THSD7B: variants seen among roughly 807,000 people sequenced by gnomAD.
The protein encoded by THSD7B is thrombospondin type 1 domain containing 7B, also known as thrombospondin type-1 domain-containing protein 7B.
A neutral mutation model predicts 213.6 loss-of-function variants in THSD7B; 138 were observed. The observed-to-expected ratio is 0.65, with a 90% confidence interval of 0.56 to 0.74. The LOEUF is 0.74. THSD7B is among the 30% of genes least tolerant of loss of function. The pLI, the probability that THSD7B is intolerant of heterozygous loss-of-function variation, is 0.00. For missense variants in THSD7B, 1,931 were observed against 1,991.5 expected, an observed-to-expected ratio of 0.97 and a Z score of 0.58; for synonymous variants, 742 against 687.0, an observed-to-expected ratio of 1.08 and a Z score of -1.25.
chr2:137,625,743 A>C (rs924709459), intron 20 of THSD7B, among the ~76,000 whole-genome samples: 1 of 152,162 alleles, frequency 6.6e-6, no homozygotes, highest in African/African-American at 2.4e-5. Context: ...CACACTGCCA[A>C]TGGCTCTACA....
intron 17 of THSD7B, among the ~76,000 whole-genome samples, chr2:137,581,793 A>T (rs1681586142): frequency 6.7e-6 from 1 of 149,722 alleles, no homozygotes; most frequent in Admixed American, 6.6e-5. Flanking sequence ...AAATAATAAT[A>T]AATAATAATA....
intron 17 of THSD7B, among the ~76,000 whole-genome samples, chr2:137,601,460 C>T (rs1682075199): frequency 6.6e-6 from 1 of 152,144 alleles, no homozygotes; most frequent in Non-Finnish European, 1.5e-5. Context: ...ATTTAGTATA[C>T]AGTATTCTGT....
chr2:137,517,944 A>G (rs955738275), intron 15 of THSD7B, among the ~76,000 whole-genome samples: 2 of 152,164 alleles, frequency 1.3e-5, no homozygotes. Context: ...TGCAACCTGA[A>G]CTGCCTATCA....
chr2:137,132,293 G>A (rs1415194626), intron 5 of THSD7B, among the ~76,000 whole-genome samples: 3 of 151,204 alleles, frequency 2.0e-5, no homozygotes, highest in Admixed American at 6.6e-5. Context: ...GAGACAATGG[G>A]GTTTTCTAGA....
intron 5 of THSD7B, among the ~76,000 whole-genome samples, chr2:137,146,245 A>C (rs1432201): frequency 0.96 from 145,550 of 152,094 alleles, 69,723 homozygotes; most frequent in East Asian, 1. Flanking sequence ...ATAAAAATAT[A>C]AGCATATAGA....
intron 17 of THSD7B, among the ~76,000 whole-genome samples, chr2:137,611,954 T>A (rs1682297538): frequency 1.3e-5 from 2 of 152,206 alleles, no homozygotes; most frequent in African/African-American, 4.8e-5. Context: ...TTGCATTTAA[T>A]GTATTTTCAA....
chr2:137,347,569 T>C (rs1684902867), intron 12 of THSD7B, among the ~76,000 whole-genome samples: 1 of 150,892 alleles, frequency 6.6e-6, no homozygotes, highest in Admixed American at 6.6e-5. Context: ...TTTTTTTTTT[T>C]TTTTTTAAAT....
chr2:137,404,449 A>G (rs1402012503), intron 12 of THSD7B, among the ~76,000 whole-genome samples: 14 of 101,334 alleles, frequency 1.4e-4, no homozygotes, highest in African/African-American at 5.9e-4. Flanking sequence ...ATATATATAT[A>G]TATATATATA....
At chr2:136,912,781 C>T (rs6706237) in intron 2 of THSD7B, among the ~76,000 whole-genome samples, 11,287 of 152,214 alleles carry the variant, frequency 0.074, 677 homozygotes, top group African/African-American at 0.16. Context: ...CTTTCACCTC[C>T]TGCCATGATT....
intron 7 of THSD7B, among the ~76,000 whole-genome samples, chr2:137,219,351 G>A (rs1483540165): frequency 6.6e-6 from 1 of 152,094 alleles, no homozygotes; most frequent in Non-Finnish European, 1.5e-5. Context: ...CCAAGTACAA[G>A]AATTCTTAGA....
At position 137,487,228 on chromosome 2, in the gene THSD7B, C is replaced by T. The variant is rs1321781811; in HGVS notation, c.3138+36205C>T. ...CTAAAAATACAAAAAATTAGCCGGG[C>T]GCAGTGGCGGGCGCCTGTAGTCCCA... On this transcript the variant is annotated intron_variant, in intron 15 of 27. Transcript: ENST00000409968. 3.4e-5 allele frequency among the ~76,000 whole-genome samples: 5 copies of T among 147,800 alleles called. 1 individual carries two copies. Among genetic ancestry groups the T allele is most frequent in the African/African-American group, 7.8e-5 (3 of 38,438 alleles).
intron 15 of THSD7B, among the ~76,000 whole-genome samples, chr2:137,464,975 T>C (rs527617426): frequency 1.3e-5 from 2 of 152,088 alleles, no homozygotes; most frequent in South Asian, 2.1e-4. Flanking sequence ...CCTTATCCTT[T>C]GTGGATGTTG....
intron 2 of THSD7B, among the ~76,000 whole-genome samples, chr2:136,913,158 C>T (rs1684296077): frequency 6.6e-6 from 1 of 152,160 alleles, no homozygotes; most frequent in East Asian, 1.9e-4. Flanking sequence ...AAAGGCGACT[C>T]TTGTTTCATT....
chr2:137,226,869 T>TTACTG (rs1681518261), intron 7 of THSD7B, among the ~76,000 whole-genome samples: 2 of 146,786 alleles, frequency 1.4e-5, no homozygotes, highest in Non-Finnish European at 3.1e-5. Flanking sequence ...TAAACACATT[T>TTACTG]CAGTATATAC....
chr2:137,642,652 G>T lies in THSD7B; in HGVS notation c.3945+19G>T, dbSNP rs1460621117. On this transcript the variant is annotated intron_variant, in intron 21 of 27. Coordinates refer to ENST00000409968, the MANE Select transcript of THSD7B (RefSeq NM_001316349.2). ...ATTGGAGGTAGGTCATGTAATGACA[G>T]TTAGAGAAATATTCATCAGTATATT... 1.2e-6 allele frequency: 2 copies of T among 1,611,856 alleles called. No homozygotes were observed. The highest frequency in any genetic ancestry group is 4.5e-5 in the East Asian group (2 of 44,860).
intron 10 of THSD7B, among the ~76,000 whole-genome samples, chr2:137,246,771 T>C (rs1479924524): frequency 6.6e-6 from 1 of 152,148 alleles, no homozygotes; most frequent in Admixed American, 6.5e-5. Flanking sequence ...TGTACTTTTT[T>C]TTTTTTGCTG....
At chr2:137,340,096 A>G (rs1039044383) in intron 12 of THSD7B, among the ~76,000 whole-genome samples, 2 of 151,902 alleles carry the variant, frequency 1.3e-5, no homozygotes. Context: ...TATAGTCAAT[A>G]AAAGTTGGAA....
At position 137,610,397 on chromosome 2, in the gene THSD7B, G is replaced by C. The variant is rs1215178634; in HGVS notation, c.3424-5778G>C. On this transcript the variant is annotated intron_variant, in intron 17 of 27. Transcript: ENST00000409968. ...CATGGCTAGGGTAAAAAAAGCCCCA[G>C]GGCATTAGCAGGGGCGAGTTGAAAT... Among the ~76,000 whole-genome samples, 3 of 152,226 alleles carry C rather than the reference G, an allele frequency of 2.0e-5. No homozygotes were observed. In the East Asian group the frequency reaches 5.8e-4, roughly 29 times the overall value.
At position 137,455,090 on chromosome 2, in the gene THSD7B, CTTCTCTTTAGAATATGAGG is replaced by C. The variant is rs1477390532; in HGVS notation, c.3138+4069_3138+4087del. On this transcript the variant is annotated intron_variant, in intron 15 of 27. Coordinates refer to ENST00000409968, the MANE Select transcript of THSD7B (RefSeq NM_001316349.2). The stretch of plus-strand genomic sequence containing the variant: ...TATACTTATTCATTCTCCTCCACTG[CTTCTCTTTAGAATATGAGG>C]TCTTTTTGAGGGCAAGGGCTGTCTT... Among the ~76,000 whole-genome samples, 7 of 152,244 alleles carry C rather than the reference CTTCTCTTTAGAATATGAGG, an allele frequency of 4.6e-5. No homozygotes were observed. In the East Asian group the frequency reaches 1.2e-3, roughly 25 times the overall value.
Sources: allele counts gnomAD v4.1 joint callset (sites outside exome capture counted in the v4.1 genomes callset), GRCh38; gene constraint gnomAD v4.1.1; transcripts MANE v1.5; gene names NCBI Gene and HGNC (gene_info 2026-07-23, HGNC 2026-07-21).